The following GALNT7 variants were observed in gnomAD, a reference collection of about 807,000 sequenced individuals.
GALNT7 encodes polypeptide N-acetylgalactosaminyltransferase 7.
Under a neutral mutation model 82.1 loss-of-function variants are expected in GALNT7, and 60 were observed. The observed-to-expected ratio is 0.73, with a 90% CI of 0.59 to 0.91. GALNT7 has a LOEUF of 0.91. GALNT7 is among the 40% of genes least tolerant of loss of function. The probability of loss-of-function intolerance (pLI) is 0.00; values close to 1 mark genes in which losing one functional copy is unlikely to be tolerated. For missense variants in GALNT7, 660 were observed against 804.2 expected, an observed-to-expected ratio of 0.82 and a Z score of 2.17; for synonymous variants, 243 against 275.1, an observed-to-expected ratio of 0.88 and a Z score of 1.15.
At chr4:173,301,415 A>G (rs1041629315) in intron 6 of GALNT7, among the ~76,000 whole-genome samples, 8 of 152,182 alleles carry the variant, frequency 5.3e-5, no homozygotes, top group African/African-American at 1.9e-4. Context: ...AAAGTGTCCA[A>G]TTTAAGATCC....
chr4:173,263,503 C>T (rs1735359869), intron 2 of GALNT7, among the ~76,000 whole-genome samples: 1 of 151,946 alleles, frequency 6.6e-6, no homozygotes, highest in Non-Finnish European at 1.5e-5. Context: ...ACATAGATGG[C>T]CGGATAGTAT....
intron 2 of GALNT7, among the ~76,000 whole-genome samples, chr4:173,283,251 T>A (rs1736181308): frequency 6.6e-6 from 1 of 152,248 alleles, no homozygotes; most frequent in Non-Finnish European, 1.5e-5. Context: ...AAACTTGGTC[T>A]GATTATTTAC....
intron 8 of GALNT7, among the ~76,000 whole-genome samples, chr4:173,306,134 G>A (rs547642482): frequency 1.3e-5 from 2 of 151,640 alleles, no homozygotes; most frequent in Non-Finnish European, 2.9e-5. Flanking sequence ...TTATTGTTTT[G>A]CTTAGCTATT....
intron 2 of GALNT7, among the ~76,000 whole-genome samples, chr4:173,274,024 T>A (rs532095793): frequency 4.6e-5 from 7 of 152,234 alleles, no homozygotes; most frequent in Non-Finnish European, 1.0e-4. Context: ...ATATGGCATG[T>A]AAGCTCATAT....
intron 1 of GALNT7, among the ~76,000 whole-genome samples, chr4:173,185,730 G>GT (rs973218166): frequency 6.6e-5 from 10 of 152,174 alleles, no homozygotes; most frequent in East Asian, 1.9e-4. Context: ...GTTTTGTTTT[G>GT]TTTTTTTAAT....
At chr4:173,212,869 AG>A (rs942858732) in intron 1 of GALNT7, among the ~76,000 whole-genome samples, 1 of 152,142 alleles carries the variant, frequency 6.6e-6, no homozygotes, top group African/African-American at 2.4e-5. Context: ...CTTCAAAAAT[AG>A]GTTCCTTCAA....
chr4:173,263,541 A>G (rs1369438392), intron 2 of GALNT7, among the ~76,000 whole-genome samples: 7 of 152,232 alleles, frequency 4.6e-5, no homozygotes, highest in African/African-American at 1.7e-4. Flanking sequence ...CTAATTACTT[A>G]GGATTGATGG....
chr4:173,301,132 C>G (rs1279732759), intron 6 of GALNT7, among the ~76,000 whole-genome samples: 2 of 150,186 alleles, frequency 1.3e-5, no homozygotes, highest in Non-Finnish European at 3.0e-5. Context: ...GAGACTATGT[C>G]TCAAAAAAAA....
chr4:173,225,530 C>G (rs975981891), intron 1 of GALNT7, among the ~76,000 whole-genome samples: 1 of 152,172 alleles, frequency 6.6e-6, no homozygotes, highest in Non-Finnish European at 1.5e-5. Flanking sequence ...TAATAATGGC[C>G]TAGCATTTAT....
intron 5 of GALNT7, among the ~76,000 whole-genome samples, chr4:173,296,927 A>G (rs73872543): frequency 0.027 from 4,122 of 152,246 alleles, 190 homozygotes; most frequent in African/African-American, 0.092. Flanking sequence ...AGTTCTAAGC[A>G]CTGTAGGTTT....
rs1389830427 is a variant in GALNT7, at chr4:173,322,913, G to A, written c.*1196G>A. 6.6e-6 allele frequency: 1 copy of A among 152,150 alleles called. No homozygotes were observed. 9.4% of individuals were successfully genotyped at this position (152,150 alleles called of 1,614,324 possible). On this transcript the variant is annotated 3_prime_UTR_variant, in exon 12 of 12. Transcript: ENST00000265000. ...TATTAACAAACGTGAACTACTTTCT[G>A]TTACATTAGGTGTTCCCTAGTGTTT...
chr4:173,289,719 T>C (rs540051129), intron 2 of GALNT7, among the ~76,000 whole-genome samples: 6 of 152,354 alleles, frequency 3.9e-5, no homozygotes, highest in South Asian at 2.1e-4. Flanking sequence ...GAGGAAACTT[T>C]TTCCTGAGAG....
At chr4:173,226,608 T>C (rs948039169) in intron 1 of GALNT7, among the ~76,000 whole-genome samples, 1 of 152,168 alleles carries the variant, frequency 6.6e-6, no homozygotes, top group Non-Finnish European at 1.5e-5. Context: ...GTGGAGAAAA[T>C]TACTCACTCT....
chr4:173,234,953 T>A (rs1387494706), intron 1 of GALNT7, among the ~76,000 whole-genome samples: 1 of 152,230 alleles, frequency 6.6e-6, no homozygotes, highest in East Asian at 1.9e-4. Context: ...GAGATGCTGG[T>A]ACCATGCTTC....
intron 1 of GALNT7, among the ~76,000 whole-genome samples, chr4:173,183,043 A>AACACACACACACACACAC (rs35043722): frequency 2.4e-5 from 3 of 125,034 alleles, no homozygotes; most frequent in African/African-American, 8.8e-5. Flanking sequence ...CACACACATA[A>AACACACACACACACACAC]ACACACACAC....
intron 2 of GALNT7, among the ~76,000 whole-genome samples, chr4:173,270,988 C>T (rs765936327): frequency 2.6e-5 from 4 of 152,124 alleles, no homozygotes; most frequent in Non-Finnish European, 4.4e-5. Context: ...CTGGCAGCAA[C>T]GAAGCACAAA....
chr4:173,287,743 G>T (rs985744351), intron 2 of GALNT7, among the ~76,000 whole-genome samples: 57 of 152,136 alleles, frequency 3.7e-4, no homozygotes, highest in African/African-American at 1.4e-3. Context: ...CTTCACCCTT[G>T]CTGGTTTCCT....
At chr4:173,314,856 C>A (rs1737533415) in intron 9 of GALNT7, among the ~76,000 whole-genome samples, 1 of 152,174 alleles carries the variant, frequency 6.6e-6, no homozygotes, top group South Asian at 2.1e-4. Flanking sequence ...CATGAACGTT[C>A]AAGTCTACAT....
At chr4:173,192,626 G>A (rs1278099836) in intron 1 of GALNT7, among the ~76,000 whole-genome samples, 2 of 152,176 alleles carry the variant, frequency 1.3e-5, no homozygotes, top group African/African-American at 4.8e-5. Flanking sequence ...TGCCTTGAAA[G>A]GCTGTAGAAG....
Sources: allele counts gnomAD v4.1 joint callset (sites outside exome capture counted in the v4.1 genomes callset), GRCh38; gene constraint gnomAD v4.1.1; transcripts MANE v1.5; gene names NCBI Gene and HGNC (gene_info 2026-07-23, HGNC 2026-07-21).